COL11A1: variants seen among roughly 807,000 people sequenced by gnomAD.
COL11A1 encodes collagen alpha-1(XI) chain.
In COL11A1, 74 loss-of-function variants were observed where a neutral mutation model predicts 265.2. The ratio of observed to expected loss-of-function variants is 0.28; its 90% CI spans 0.23 to 0.34. COL11A1 has a LOEUF of 0.34. Ranked by LOEUF, COL11A1 falls within the 10% of genes least tolerant of loss-of-function variation. The pLI, the probability that COL11A1 is intolerant of heterozygous loss-of-function variation, is 1.00. For synonymous variants in COL11A1, 816 were observed against 727.6 expected (o/e 1.12, Z -1.96); for missense variants, 2,165 against 2,263.6 (o/e 0.96, Z 0.88).
intron 30 of COL11A1, among the ~76,000 whole-genome samples, chr1:102,985,407 A>G (rs1177984050): frequency 6.6e-6 from 1 of 152,138 alleles, no homozygotes; most frequent in East Asian, 1.9e-4. Flanking sequence ...TAGTCTTCAG[A>G]TGGAAAATAT....
rs746264058 is a variant in COL11A1 at position 103,082,894 on chromosome 1, G to A, written c.185C>T (p.Thr62Ile). The A allele has an allele frequency of 1.2e-6, 2 of 1,613,578 alleles. No individual in the cohort carries two copies. The highest frequency in any genetic ancestry group is 1.7e-6 in the Non-Finnish European group (2 of 1,179,684). The change falls in exon 2 of 67, where the codon ACA (threonine) becomes ATA (isoleucine). Residue 62 changes from threonine to isoleucine, a missense_variant. Coordinates refer to ENST00000370096, the MANE Select transcript of COL11A1 (RefSeq NM_001854.4). Reference sequence around the variant, plus strand: ...TGAGCCTTTAGAATTCTTTCTGTTTGTGCAAAATCCCGTTGTTTTTGATAT... The same window carrying A: ...TGAGCCTTTAGAATTCTTTCTGTTTATGCAAAATCCCGTTGTTTTTGATAT... ...EGISKTTGFC[T>I]NRKNSKGSDT...
intron 29 of COL11A1, 138 bp from the exon 30 acceptor site, chr1:102,987,878 G>T: frequency 1.4e-6 from 1 of 703,162 alleles, no homozygotes; most frequent in South Asian, 1.5e-5. Flanking sequence ...GCCCTTGATC[G>T]TTCCTGGGCA....
At chr1:102,981,453 A>G (rs1663032121) in intron 31 of COL11A1, among the ~76,000 whole-genome samples, 2 of 152,070 alleles carry the variant, frequency 1.3e-5, no homozygotes, top group Admixed American at 1.3e-4. Flanking sequence ...GCATATTTAT[A>G]GATACTTCAT....
In COL11A1 at chr1:102,890,217, T is replaced by C. The variant is rs534244126; in HGVS notation, c.4356+234A>G. On this transcript the variant is annotated intron_variant, in intron 58 of 66. Coordinates refer to ENST00000370096, the MANE Select transcript of COL11A1 (RefSeq NM_001854.4). Reference sequence around the variant, plus strand: ...ATAACCATATGCTTTCTACATATGGTTGCTATAATGGAACCTTGAGAAGAT... The same window carrying C: ...ATAACCATATGCTTTCTACATATGGCTGCTATAATGGAACCTTGAGAAGAT... Among the ~76,000 whole-genome samples the C allele has an allele frequency of 7.6e-4, 116 of 152,236 alleles. 5 individuals are homozygous for C. The highest frequency in any genetic ancestry group is 1.6e-4 in the Non-Finnish European group (11 of 67,984).
At chr1:102,995,068 T>C (rs1030254004) in intron 28 of COL11A1, among the ~76,000 whole-genome samples, 2 of 152,126 alleles carry the variant, frequency 1.3e-5, no homozygotes, top group African/African-American at 4.8e-5. Flanking sequence ...CCTCCCACCA[T>C]GTGCCTCCCT....
intron 2 of COL11A1, among the ~76,000 whole-genome samples, chr1:103,082,408 T>A (rs1953672): frequency 0.14 from 20,905 of 151,976 alleles, 1,594 homozygotes; most frequent in Non-Finnish European, 0.16. Flanking sequence ...AGAAAGTCAT[T>A]AAGGGGAAAG....
chr1:102,995,039 C>T (rs1306252392), intron 28 of COL11A1, among the ~76,000 whole-genome samples: 2 of 152,018 alleles, frequency 1.3e-5, no homozygotes, highest in African/African-American at 4.8e-5. Flanking sequence ...TGAGGGAAAC[C>T]GCCCCCATGA....
chr1:103,013,330 G>T (rs1481408688), intron 13 of COL11A1, among the ~76,000 whole-genome samples: 3 of 151,862 alleles, frequency 2.0e-5, no homozygotes, highest in Non-Finnish European at 4.4e-5. Flanking sequence ...TTAAATATCT[G>T]AAAAATTGAA....
In COL11A1 at chr1:102,913,704, T is replaced by A. The variant is rs186245518; in HGVS notation, c.3979-14A>T. On this transcript the variant is annotated splice_polypyrimidine_tract_variant and intron_variant, in intron 52 of 66. Coordinates refer to ENST00000370096, the MANE Select transcript of COL11A1 (RefSeq NM_001854.4). The stretch of plus-strand genomic sequence containing the variant: ...ACCATCTTGACCCTATAAGAGGCAA[T>A]AAAATATGAAGCAAGATATATCTCA... The A allele has an allele frequency of 6.2e-3, 9,959 of 1,611,876 alleles. 65 individuals carry two copies. Among genetic ancestry groups the A allele is most frequent in the South Asian group, 0.015 (1,363 of 91,024 alleles).
chr1:102,912,047 G>A (rs1161108141), intron 54 of COL11A1, 112 bp downstream of exon 54: 2 of 876,124 alleles, frequency 2.3e-6, no homozygotes, highest in Non-Finnish European at 3.6e-6. Flanking sequence ...TAGGATTTAT[G>A]ATATTTCTCA....
intron 41 of COL11A1, among the ~76,000 whole-genome samples, chr1:102,956,888 A>C (rs1397285080): frequency 6.6e-6 from 1 of 151,814 alleles, no homozygotes; most frequent in African/African-American, 2.4e-5. Flanking sequence ...CTAAAAAAAA[A>C]ACCAAGTCAG....
In COL11A1 at chr1:102,876,966, A is replaced by T. The variant is rs1176154508; in HGVS notation, c.*1053T>A. 1 of 152,560 alleles carries T rather than the reference A, an allele frequency of 6.6e-6. No individual in the cohort carries two copies. Among genetic ancestry groups the T allele is most frequent in the Admixed American group, 6.6e-5 (1 of 15,260 alleles). The allele number at this position is 152,560 out of a possible 1,614,324, so 9.5% of individuals were successfully genotyped here. ...TAAAATAATTTTCGAGACTGTTATA[A>T]TATGCAACTTAGAATCAAATTCAAG... On this transcript the variant is annotated 3_prime_UTR_variant, in exon 67 of 67. Transcript: ENST00000370096.
intron 63 of COL11A1, among the ~76,000 whole-genome samples, chr1:102,883,792 C>T (rs1289544339): frequency 6.6e-6 from 1 of 150,410 alleles, no homozygotes; most frequent in African/African-American, 2.5e-5. Flanking sequence ...AGAGATCATA[C>T]CTCTGCCTTA....
chr1:103,031,149 C>T lies in COL11A1; in HGVS notation c.747G>A (p.Lys249=), dbSNP rs1199504042. 1.2e-5 allele frequency: 20 copies of T among 1,612,898 alleles called. No individual in the cohort carries two copies. Among genetic ancestry groups the T allele is most frequent in the Middle Eastern group, 3.3e-4 (2 of 6,074 alleles). Residue 249 remains lysine, a synonymous_variant, in exon 5 of 67, where the codon AAG becomes AAA. Transcript: ENST00000370096. ...YSPDCDSSAP[K]AAQAQEPQID... is the part of the protein sequence containing the mutation. ...TCTGAGGTTCCTGAGCTTGAGCAGC[C>T]TTGGGTGCTGAAGAGTCACAGTCTG...
chr1:103,069,003 G>T (rs1351470124), intron 4 of COL11A1, among the ~76,000 whole-genome samples: 1 of 151,632 alleles, frequency 6.6e-6, no homozygotes, highest in Non-Finnish European at 1.5e-5. Context: ...TCTTCATTAT[G>T]ATCTGTAGGT....
chr1:103,071,346 A>C (rs1214697166), intron 4 of COL11A1, among the ~76,000 whole-genome samples: 1 of 151,954 alleles, frequency 6.6e-6, no homozygotes, highest in Non-Finnish European at 1.5e-5. Flanking sequence ...AAAGACTCCA[A>C]AAATAATTGT....
At chr1:102,920,223 A>C in intron 49 of COL11A1, 88 bp downstream of exon 49, 1 of 1,159,654 alleles carries the variant, frequency 8.6e-7, no homozygotes, top group Non-Finnish European at 1.3e-6. Flanking sequence ...TTAGAAACAC[A>C]CATACTAGAA....
At chr1:102,921,404 C>A (rs1655973476) in intron 48 of COL11A1, 114 bp downstream of exon 48, 2 of 824,206 alleles carry the variant, frequency 2.4e-6, no homozygotes, top group African/African-American at 1.7e-5. Flanking sequence ...AGTTCTTAAC[C>A]ACTTAATATT....
chr1:102,963,377 C>G (rs1337149960), intron 38 of COL11A1, among the ~76,000 whole-genome samples: 1 of 152,124 alleles, frequency 6.6e-6, no homozygotes, highest in Non-Finnish European at 1.5e-5. Context: ...TGGTCAGCTG[C>G]CTTAAATTGC....
Sources: allele counts gnomAD v4.1 joint callset (sites outside exome capture counted in the v4.1 genomes callset), GRCh38; gene constraint gnomAD v4.1.1; transcripts MANE v1.5; gene names NCBI Gene and HGNC (gene_info 2026-07-23, HGNC 2026-07-21).